Variants in TBC1D3K observed in about 807,000 individuals in gnomAD.
The protein encoded by TBC1D3K is TBC1 domain family member 3K.
At chr17:37,924,336 G>A (rs1278276440), upstream of TBC1D3K, 6 of 137,160 alleles carry the variant, frequency 4.4e-5, no homozygotes, top group Non-Finnish European at 9.6e-5. Context: ...GCATGTTGAC[G>A]CCTCAGGCAG....
chr17:37,924,300 C>G (rs1445402789), upstream of TBC1D3K: 1 of 134,850 alleles, frequency 7.4e-6, no homozygotes, highest in Admixed American at 7.4e-5. Flanking sequence ...CATGTGCACG[C>G]ACGTGCACAA....
At chr17:37,930,280 G>A (rs1488601899) in intron 7 of TBC1D3K, among the ~76,000 whole-genome samples, 170 bp from the exon 8 acceptor site, 88 of 84,698 alleles carry the variant, frequency 1.0e-3, no homozygotes, top group African/African-American at 2.6e-3. Context: ...TGTCACAGAT[G>A]TGGATTTTAC....
chr17:37,930,190 T>G, intron 7 of TBC1D3K, among the ~76,000 whole-genome samples: 1 of 97,854 alleles, frequency 1.0e-5, no homozygotes, highest in Non-Finnish European at 2.8e-5. Flanking sequence ...AACTGGCGTG[T>G]GTGCAAACTG....
intron 7 of TBC1D3K, among the ~76,000 whole-genome samples, chr17:37,930,122 G>A (rs2035618929): frequency 1.1e-5 from 1 of 91,342 alleles, no homozygotes; most frequent in African/African-American, 3.3e-5. Flanking sequence ...TGGAGCGGTG[G>A]CCGGGAGACT....
chr17:37,924,262 C>T (rs1332921094), upstream of TBC1D3K, among the ~76,000 whole-genome samples: 3 of 129,274 alleles, frequency 2.3e-5, no homozygotes, highest in East Asian at 4.2e-4. Context: ...GCAGCACACA[C>T]GTGCACAGAT....
intron 7 of TBC1D3K, among the ~76,000 whole-genome samples, chr17:37,930,142 G>A (rs2143957243): frequency 9.8e-6 from 1 of 101,882 alleles, no homozygotes; most frequent in Middle Eastern, 3.9e-3. Context: ...TCTGCACATC[G>A]GTTTGGAACC....
chr17:37,924,220 CAT>C (rs1325986290), upstream of TBC1D3K, among the ~76,000 whole-genome samples: 24 of 103,290 alleles, frequency 2.3e-4, no homozygotes, highest in Non-Finnish European at 3.9e-4. Context: ...TGGGTGCACA[CAT>C]GAGTGGGGCA....
intron 8 of TBC1D3K, 116 bp downstream of exon 8, chr17:37,930,614 TA>T (rs2035627028): frequency 2.2e-6 from 1 of 448,446 alleles, no homozygotes; most frequent in Admixed American, 4.1e-5. Flanking sequence ...CACCAGGATA[TA>T]GGAGGTAGGA....
chr17:37,930,090 A>T (rs1332315494), intron 7 of TBC1D3K, among the ~76,000 whole-genome samples: 8 of 68,384 alleles, frequency 1.2e-4, no homozygotes, highest in African/African-American at 3.3e-4. Context: ...TTGGAGGATG[A>T]AGGAGTCGCC....
intron 8 of TBC1D3K, among the ~76,000 whole-genome samples, 186 bp downstream of exon 8, chr17:37,930,684 TG>T (rs2035627916): frequency 1.3e-5 from 1 of 78,310 alleles, no homozygotes; most frequent in Non-Finnish European, 3.1e-5. Flanking sequence ...GGGGTCAAGC[TG>T]AGACACAAAG....
exon 6 of TBC1D3K, chr17:37,928,733 T>A: frequency 2.4e-6 from 1 of 419,424 alleles, no homozygotes; most frequent in Admixed American, 4.5e-5. Context: ...GGAAATGAAG[T>A]TGAAAAACCC....
upstream of TBC1D3K, chr17:37,924,378 C>A (rs1219912980): frequency 7.2e-6 from 1 of 139,500 alleles, no homozygotes; most frequent in East Asian, 2.0e-4. Flanking sequence ...ACTGCTGACC[C>A]GGGCAAGGCC....
At chr17:37,924,291 A>T (rs1286466899), upstream of TBC1D3K, 1 of 133,776 alleles carries the variant, frequency 7.5e-6, no homozygotes, top group Non-Finnish European at 1.6e-5. Flanking sequence ...CCACATACAC[A>T]TGTGCACGCA....
exon 1 of TBC1D3K, chr17:37,924,505 CT>C (rs2035599495): frequency 7.8e-6 from 1 of 128,930 alleles, no homozygotes; most frequent in Non-Finnish European, 1.7e-5. Context: ...CTGTGAGCAG[CT>C]CTGTGGACTC....
chr17:37,924,484 G>C (rs2143952468), exon 1 of TBC1D3K: 1 of 131,952 alleles, frequency 7.6e-6, no homozygotes, highest in East Asian at 2.1e-4. Flanking sequence ...GTTACACACA[G>C]GCAGTGGTAT....
At chr17:37,930,324 G>A in intron 7 of TBC1D3K, 126 bp from the exon 8 acceptor site, 1 of 351,752 alleles carries the variant, frequency 2.8e-6, no homozygotes, top group South Asian at 3.3e-5. Flanking sequence ...AGGCCCTGAA[G>A]AGCTCACTGC....
At chr17:37,924,389 C>G (rs2035597203), upstream of TBC1D3K, 2 of 138,894 alleles carry the variant, frequency 1.4e-5, no homozygotes, top group Non-Finnish European at 1.6e-5. Flanking sequence ...GGGCAAGGCC[C>G]CACTGTGATT....
intron 7 of TBC1D3K, among the ~76,000 whole-genome samples, chr17:37,929,955 C>A (rs2035617010): frequency 2.7e-5 from 1 of 37,618 alleles, no homozygotes; most frequent in African/African-American, 5.8e-5. Context: ...TAAGCTACCA[C>A]AGTAGGATTC....
Position 37,933,318 on chromosome 17 carries a change from G to C in TBC1D3K, c.929-36G>C. The C allele has an allele frequency of 3.8e-6, 2 of 522,212 alleles. 1 individual carries two copies. The highest frequency in any genetic ancestry group is 6.0e-6 in the Non-Finnish European group (2 of 332,794). The allele number at this position is 522,212 out of a possible 1,614,324, so 32.3% of individuals were successfully genotyped here. On this transcript the variant is annotated intron_variant, in intron 12 of 13. Transcript: ENST00000620247. ...GGGTATGAGCTGTGACCATTCCCAG[G>C]TAACTCCCCTGGCCTGATATCCACC...
Sources: gnomAD v4.1 joint callset for allele counts (sites outside exome capture counted in the v4.1 genomes callset) on GRCh38, gnomAD v4.1.1 for gene constraint, MANE v1.5 for transcripts, NCBI Gene and HGNC (gene_info 2026-07-23, HGNC 2026-07-21) for gene names.